AGBL1: variants seen among roughly 807,000 people sequenced by gnomAD.
AGBL1 encodes the protein AGBL carboxypeptidase 1, also known as cytosolic carboxypeptidase 4.
In AGBL1, 130 loss-of-function variants were observed where a neutral mutation model predicts 118.9. That is an observed-to-expected ratio of 1.09 (90% confidence interval 0.95 to 1.26). The LOEUF (loss-of-function observed/expected upper bound fraction) is 1.26, where lower values mean the gene tolerates loss of function less well. AGBL1 is among the 50% of genes most tolerant of loss of function. AGBL1 has a pLI of 0.00. For synonymous variants in AGBL1, 555 were observed against 478.9 expected (o/e 1.16, Z -2.08); for missense variants, 1,584 against 1,298.1 (o/e 1.22, Z -3.38).
intron 22 of AGBL1, among the ~76,000 whole-genome samples, chr15:86,864,734 C>A (rs867490088): frequency 1.3e-5 from 2 of 152,114 alleles, no homozygotes; most frequent in African/African-American, 4.8e-5. Flanking sequence ...GTGGAGCATT[C>A]AACAAACACG....
intron 24 of AGBL1, among the ~76,000 whole-genome samples, chr15:87,006,771 A>G (rs1267086623): frequency 6.6e-6 from 1 of 151,308 alleles, no homozygotes; most frequent in Non-Finnish European, 1.5e-5. Flanking sequence ...TGCGTCACTC[A>G]CTCTGGGAGC....
rs115253774 is a variant in AGBL1, at chr15:86,787,608, G to A, written c.3158+113172G>A. On this transcript the variant is annotated intron_variant, in intron 22 of 22. Coordinates refer to ENST00000614907, the MANE Select transcript of AGBL1 (RefSeq NM_001386094.1). ...GTCAGGATCTTCTTTTTTAATGCTG[G>A]ATAATGTTCCTTTGTATACATATGT... is the stretch of plus-strand genomic sequence containing the variant. Among the ~76,000 whole-genome samples the A allele has an allele frequency of 6.8e-3, 1,032 of 152,110 alleles. 16 individuals are homozygous for A. Among genetic ancestry groups the A allele is most frequent in the African/African-American group, 0.024 (987 of 41,494 alleles).
chr15:86,337,214 A>G (rs1195815648), intron 17 of AGBL1, among the ~76,000 whole-genome samples: 28 of 152,204 alleles, frequency 1.8e-4, no homozygotes, highest in Admixed American at 1.8e-3. Flanking sequence ...TTTGATTCTC[A>G]TGTGTTATTT....
chr15:86,680,351 G>A (rs1487060285), intron 22 of AGBL1, among the ~76,000 whole-genome samples: 1 of 151,694 alleles, frequency 6.6e-6, no homozygotes, highest in Non-Finnish European at 1.5e-5. Context: ...GGAGTTTTTT[G>A]CATATTAATA....
intron 17 of AGBL1, among the ~76,000 whole-genome samples, chr15:86,378,288 A>G (rs1375240018): frequency 6.6e-6 from 1 of 152,178 alleles, no homozygotes; most frequent in Non-Finnish European, 1.5e-5. Context: ...TCAAAACCCT[A>G]TTAAACTGTC....
intron 21 of AGBL1, among the ~76,000 whole-genome samples, chr15:86,657,256 C>A (rs1404071928): frequency 6.6e-6 from 1 of 152,184 alleles, no homozygotes; most frequent in African/African-American, 2.4e-5. Flanking sequence ...CGCGGGCTGA[C>A]TGTGTGCCTC....
chr15:86,396,177 A>G (rs1167796501), intron 17 of AGBL1, among the ~76,000 whole-genome samples: 2 of 147,746 alleles, frequency 1.4e-5, no homozygotes, highest in Admixed American at 1.4e-4. Context: ...TCATATATTC[A>G]TATATATGTG....
intron 18 of AGBL1, among the ~76,000 whole-genome samples, chr15:86,437,746 C>T (rs546921908): frequency 6.6e-6 from 1 of 152,314 alleles, no homozygotes; most frequent in East Asian, 1.9e-4. Context: ...GTCTCTTCAT[C>T]TGTCTCCTCC....
rs545090045 is a variant in AGBL1 at position 86,567,101 on chromosome 15, T to A, written c.2994+12564T>A. ...TGATTAACAGGATCATTAATGGTGGTTTTCTTTTTCTATTTTAGATAAAGA... is the reference window on the plus strand; with the variant it reads ...TGATTAACAGGATCATTAATGGTGGATTTCTTTTTCTATTTTAGATAAAGA... On this transcript the variant is annotated intron_variant, in intron 21 of 22. Transcript: ENST00000614907. Among the ~76,000 whole-genome samples, 67 of 152,338 alleles carry A rather than the reference T, an allele frequency of 4.4e-4. 1 individual carries two copies. In the South Asian group the frequency reaches 0.014, roughly 32 times the overall value.
chr15:86,611,660 T>C (rs1293651149), intron 21 of AGBL1, among the ~76,000 whole-genome samples: 1 of 151,824 alleles, frequency 6.6e-6, no homozygotes, highest in Non-Finnish European at 1.5e-5. Context: ...AAGGTATTTT[T>C]TCCCCCTTGG....
chr15:86,228,760 T>G (rs1425542084), intron 6 of AGBL1, among the ~76,000 whole-genome samples: 1 of 152,150 alleles, frequency 6.6e-6, no homozygotes, highest in Non-Finnish European at 1.5e-5. Context: ...GTAGAATATG[T>G]GGGTGTTGGG....
intron 17 of AGBL1, among the ~76,000 whole-genome samples, chr15:86,299,167 T>C (rs1451622294): frequency 1.3e-5 from 2 of 152,160 alleles, no homozygotes; most frequent in Non-Finnish European, 2.9e-5. Context: ...GAAGACTTAC[T>C]ACTTTACACC....
At chr15:86,227,977 A>G (rs1357426260) in intron 6 of AGBL1, among the ~76,000 whole-genome samples, 1 of 152,196 alleles carries the variant, frequency 6.6e-6, no homozygotes, top group Non-Finnish European at 1.5e-5. Context: ...TTTAAATCGC[A>G]AAGTCTGTCA....
intron 18 of AGBL1, among the ~76,000 whole-genome samples, chr15:86,425,872 C>T (rs1012603962): frequency 9.9e-5 from 15 of 151,958 alleles, no homozygotes; most frequent in South Asian, 2.1e-4. Flanking sequence ...ATCTTTTTAC[C>T]GTCACACTGT....
intron 22 of AGBL1, among the ~76,000 whole-genome samples, chr15:86,734,077 A>G (rs1422365748): frequency 6.6e-6 from 1 of 152,066 alleles, no homozygotes; most frequent in Non-Finnish European, 1.5e-5. Flanking sequence ...TTTGTACTGG[A>G]CCCTGTTCTA....
intron 17 of AGBL1, among the ~76,000 whole-genome samples, chr15:86,395,599 A>G (rs1215216186): frequency 6.6e-6 from 1 of 152,082 alleles, no homozygotes; most frequent in African/African-American, 2.4e-5. Flanking sequence ...TATGCTCAAG[A>G]CACCTGCTTA....
chr15:86,542,493 A>T (rs2142244804), intron 19 of AGBL1, among the ~76,000 whole-genome samples: 1 of 151,404 alleles, frequency 6.6e-6, no homozygotes, highest in Non-Finnish European at 1.5e-5. Context: ...CAGCCTCCTA[A>T]GTAGCTGGGA....
Position 87,007,302 on chromosome 15 carries a change from T to C in AGBL1, c.3323+19214T>C, listed in dbSNP as rs145164949. Among the ~76,000 whole-genome samples the C allele has an allele frequency of 5.3e-5, 8 of 152,298 alleles. No homozygotes were observed. The South Asian group carries it at 1.2e-3, about 24-fold the overall frequency. The stretch of plus-strand genomic sequence containing the variant: ...GTTTGTAATGAAACTAACAGAATAC[T>C]GGACTCTTAAAATGATCCATATTAG... On this transcript the variant is annotated intron_variant, in intron 24 of 24. Transcript: ENST00000441037.
intron 5 of AGBL1, among the ~76,000 whole-genome samples, chr15:86,168,989 A>G (rs2077378689): frequency 6.6e-6 from 1 of 152,256 alleles, no homozygotes; most frequent in Admixed American, 6.5e-5. Flanking sequence ...GAGATAAAAT[A>G]TATAAACCAA....
Sources: allele counts gnomAD v4.1 joint callset (sites outside exome capture counted in the v4.1 genomes callset), GRCh38; gene constraint gnomAD v4.1.1; transcripts MANE v1.5; gene names NCBI Gene and HGNC (gene_info 2026-07-23, HGNC 2026-07-21).